Variants in SGIP1 observed in about 807,000 individuals in gnomAD.
The protein encoded by SGIP1 is SH3-containing GRB2-like protein 3-interacting protein 1.
SGIP1 carries 38 observed loss-of-function variants against 107.5 expected under a neutral mutation model. That is an observed-to-expected ratio of 0.35 (90% confidence interval 0.27 to 0.46). The LOEUF (loss-of-function observed/expected upper bound fraction) is 0.46, where lower values mean the gene tolerates loss of function less well. Among genes scored for constraint, SGIP1 ranks in the 20% least tolerant of loss-of-function variants. The probability of loss-of-function intolerance (pLI) is 1.00; values close to 1 mark genes in which losing one functional copy is unlikely to be tolerated. For synonymous variants in SGIP1, 365 were observed against 366.1 expected (o/e 1.00, Z 0.03); for missense variants, 929 against 1,019.5 (o/e 0.91, Z 1.21).
intron 8 of SGIP1, chr1:66,666,154 T>C (rs1268138580): frequency 6.6e-6 from 1 of 152,232 alleles, no homozygotes; most frequent in Admixed American, 6.5e-5. Flanking sequence ...TTGTATAAGG[T>C]GTAAGGAAGG....
Position 66,734,373 on chromosome 1 carries a change from C to A in SGIP1, c.2031+493C>A, listed in dbSNP as rs561702470. ...GATACTTACAATATATGAGAACTTT[C>A]TTTTTGTATCTAGAATTGCCCTTAT... On this transcript the variant is annotated intron_variant, in intron 21 of 24. Transcript: ENST00000371037. 2.8e-4 allele frequency among the ~76,000 whole-genome samples: 43 copies of A among 151,826 alleles called. 1 individual carries two copies. The highest frequency in any genetic ancestry group is 3.4e-3 in the Middle Eastern group (1 of 294).
rs753597361 is a variant in SGIP1 at position 66,729,250 on chromosome 1, T to C, written c.1743-14T>C. 1 of 1,613,708 alleles carries C rather than the reference T, an allele frequency of 6.2e-7. No homozygotes were observed. Among genetic ancestry groups the C allele is most frequent in the East Asian group, 2.2e-5 (1 of 44,880 alleles). ...ATTTTCTCTCTCTTTCCTCTCTGTG[T>C]TTTGATATGCCAGATGTATCGTTAA... is the stretch of plus-strand genomic sequence containing the variant. On this transcript the variant is annotated splice_polypyrimidine_tract_variant and intron_variant, in intron 19 of 24. Coordinates refer to ENST00000371037, the MANE Select transcript of SGIP1 (RefSeq NM_032291.4).
At chr1:66,740,271 A>G (rs2094405628) in intron 22 of SGIP1, among the ~76,000 whole-genome samples, 1 of 152,194 alleles carries the variant, frequency 6.6e-6, no homozygotes, top group South Asian at 2.1e-4. Flanking sequence ...CTTTTTCCAT[A>G]CGACTGTCAG....
At chr1:66,577,082 T>C (rs941617381) in intron 1 of SGIP1, among the ~76,000 whole-genome samples, 6 of 152,338 alleles carry the variant, frequency 3.9e-5, no homozygotes, top group African/African-American at 1.4e-4. Flanking sequence ...AATAACTACC[T>C]GCCTGTTAAA....
rs1557852807 is a variant in SGIP1, at chr1:66,746,696, A to G, written c.*3601A>G. 1 of 152,094 alleles carries G rather than the reference A, an allele frequency of 6.6e-6. No homozygotes were observed. The highest frequency in any genetic ancestry group is 2.4e-5 in the African/African-American group (1 of 41,434). 9.4% of individuals were successfully genotyped at this position (152,094 alleles called of 1,614,324 possible). A position where few individuals can be genotyped will look rare whatever the true frequency, so the allele number is the denominator to read the frequency against. On this transcript the variant is annotated 3_prime_UTR_variant, in exon 25 of 25. Transcript: ENST00000371037. ...GCTTAAATAGAATAATCTCCCCAAA[A>G]TGACACGGCAGCTGAAAGTAACCCA...
In SGIP1 at chr1:66,631,036, GAAGAAAGGAAGA is replaced by G. The variant is rs1225971137; in HGVS notation, c.75-2026_75-2015del. 4.9e-3 allele frequency among the ~76,000 whole-genome samples: 459 copies of G among 94,320 alleles called. 1 individual carries two copies. The highest frequency in any genetic ancestry group is 0.018 in the African/African-American group (430 of 23,764). 61.9% of individuals were successfully genotyped at this position (94,320 alleles called of 152,430 possible). On this transcript the variant is annotated intron_variant, in intron 2 of 24. Transcript: ENST00000371037. ...AGGAAGGGAAAGGAAAGGAAGGAAGGAAGAAAGGAAGAAAGAAAGAAAGAAAGAAAGAAAGAA... is the reference window on the plus strand; with the variant it reads ...AGGAAGGGAAAGGAAAGGAAGGAAGGAAGAAAGAAAGAAAGAAAGAAAGAA...
intron 1 of SGIP1, among the ~76,000 whole-genome samples, chr1:66,557,062 G>A (rs2058288973): frequency 6.6e-6 from 1 of 152,116 alleles, no homozygotes; most frequent in African/African-American, 2.4e-5. Flanking sequence ...ACCCTGAGAT[G>A]TGACTATGAA....
intron 1 of SGIP1, among the ~76,000 whole-genome samples, chr1:66,589,216 A>ATGTGTGTGTGTGTGTGTGTGTGTGTGTG (rs1477899813): frequency 1.3e-4 from 13 of 96,434 alleles, no homozygotes; most frequent in South Asian, 9.5e-4. Context: ...ATATATATAT[A>ATGTGTGTGTGTGTGTGTGTGTGTGTGTG]TGTAAGGCTT....
intron 2 of SGIP1, among the ~76,000 whole-genome samples, chr1:66,626,563 A>G (rs935646740): frequency 2.6e-4 from 39 of 152,340 alleles, no homozygotes; most frequent in African/African-American, 9.4e-4. Context: ...GTTTCATTCC[A>G]CAAACTTCCT....
intron 1 of SGIP1, among the ~76,000 whole-genome samples, chr1:66,578,408 A>T (rs1188810427): frequency 6.6e-6 from 1 of 152,214 alleles, no homozygotes; most frequent in East Asian, 1.9e-4. Context: ...ATGCTAACTC[A>T]CAAGCTTGAA....
chr1:66,708,106 A>G (rs1361980127), intron 18 of SGIP1, among the ~76,000 whole-genome samples: 1 of 152,164 alleles, frequency 6.6e-6, no homozygotes, highest in Non-Finnish European at 1.5e-5. Context: ...GTTTAAGAAT[A>G]CAATGGAAGT....
intron 7 of SGIP1, among the ~76,000 whole-genome samples, chr1:66,648,597 G>T (rs945308606): frequency 1.3e-5 from 2 of 152,168 alleles, no homozygotes; most frequent in Non-Finnish European, 2.9e-5. Context: ...GCGTTTGAGA[G>T]ACCTGGGGTG....
chr1:66,572,802 A>G (rs1207164772), intron 1 of SGIP1, among the ~76,000 whole-genome samples: 2 of 152,126 alleles, frequency 1.3e-5, no homozygotes, highest in African/African-American at 2.4e-5. Context: ...TAAAAATTTG[A>G]CATGAGTCAT....
chr1:66,731,114 A>C (rs74580718), intron 20 of SGIP1, among the ~76,000 whole-genome samples: 2,210 of 152,294 alleles, frequency 0.015, 60 homozygotes, highest in African/African-American at 0.051. Flanking sequence ...CCTTTGTAGC[A>C]CTTACTACAG....
At chr1:66,561,482 A>G (rs547639197) in intron 1 of SGIP1, among the ~76,000 whole-genome samples, 1 of 152,204 alleles carries the variant, frequency 6.6e-6, no homozygotes, top group South Asian at 2.1e-4. Flanking sequence ...TCCATAGAAC[A>G]TAGCAGAACT....
At position 66,689,166 on chromosome 1, in the gene SGIP1, G is replaced by C. The variant is rs542858072; in HGVS notation, c.1334G>C (p.Arg445Pro). 1 of 1,612,672 alleles carries C rather than the reference G, an allele frequency of 6.2e-7. No homozygotes were observed. Among genetic ancestry groups the C allele is most frequent in the South Asian group, 1.1e-5 (1 of 90,838 alleles). The change falls in exon 16 of 25, where the codon CGA becomes CCA. Residue 445 changes from arginine (R) to proline (P), a missense_variant. By Grantham distance (103) the Arg-to-Pro change is moderately radical. This residue lies in a region of SGIP1 where 588 missense variants were observed against 588.6 expected (regional missense o/e 1.00). Coordinates refer to ENST00000371037, the MANE Select transcript of SGIP1 (RefSeq NM_032291.4). ...GTTSGASSPA[R>P]PATPLVPCRS... is the part of the protein sequence containing the mutation. ...TTTTCAGGTGCATCATCCCCTGCTC[G>C]ACCAGCCACTCCTTTGGTTCCTTGC... is the stretch of plus-strand genomic sequence containing the variant.
rs906808981 is a variant in SGIP1, at chr1:66,744,033, T to G, written c.*938T>G. 2 of 152,180 alleles carry G rather than the reference T, an allele frequency of 1.3e-5. No individual in the cohort carries two copies. The highest frequency in any genetic ancestry group is 2.9e-5 in the Non-Finnish European group (2 of 68,000). The allele number at this position is 152,180 out of a possible 1,614,324, so 9.4% of individuals were successfully genotyped here. The stretch of plus-strand genomic sequence containing the variant: ...TTTTTGCTTAGTTACTCTGAATAGA[T>G]GATCTTACTCATCCAGTATGGGGGA... On this transcript the variant is annotated 3_prime_UTR_variant, in exon 25 of 25. Coordinates refer to ENST00000371037, the MANE Select transcript of SGIP1 (RefSeq NM_032291.4).
rs749921136 is a variant in SGIP1 at position 66,733,889 on chromosome 1, A to G, written c.2031+9A>G. 18 of 1,609,716 alleles carry G rather than the reference A, an allele frequency of 1.1e-5. No homozygotes were observed. The South Asian group carries it at 1.6e-4, about 14-fold the overall frequency. On this transcript the variant is annotated intron_variant, in intron 21 of 24. Transcript: ENST00000371037. ...ACATGCTCAAATATCAGGTAAGCCTATTTACATGATCGGTATCTCTTCCAC... is the reference window on the plus strand; with the variant it reads ...ACATGCTCAAATATCAGGTAAGCCTGTTTACATGATCGGTATCTCTTCCAC...
intron 7 of SGIP1, 81 bp from the exon 8 acceptor site, chr1:66,660,432 C>A: frequency 7.3e-7 from 1 of 1,363,802 alleles, no homozygotes; most frequent in African/African-American, 1.4e-5. Context: ...TTATCCTGAA[C>A]CTTGACCTGT....
Sources: gnomAD v4.1 joint callset for allele counts (sites outside exome capture counted in the v4.1 genomes callset) on GRCh38, gnomAD v4.1.1 for gene constraint, gnomAD v4.1.1 regional missense constraint, MANE v1.5 for transcripts, NCBI Gene and HGNC (gene_info 2026-07-23, HGNC 2026-07-21) for gene names.